GPR160: variants seen among roughly 807,000 people sequenced by gnomAD.
The protein encoded by GPR160 is probable G protein-coupled receptor 160.
In GPR160, 2 loss-of-function variants were observed where a neutral mutation model predicts 2.6. That is an observed-to-expected ratio of 0.77 (90% CI 0.32 to 2.44). GPR160 has a LOEUF of 2.44. GPR160 is among the 30% of genes most tolerant of loss of function. GPR160 has a pLI of 0.11. For synonymous variants in GPR160, 130 were observed against 132.2 expected, an observed-to-expected ratio of 0.98 and a Z score of 0.12; for missense variants, 351 against 383.6, an observed-to-expected ratio of 0.91 and a Z score of 0.71.
At chr3:170,064,574 A>G (rs1262025655) in intron 2 of GPR160, among the ~76,000 whole-genome samples, 3 of 139,182 alleles carry the variant, frequency 2.2e-5, no homozygotes, top group East Asian at 2.1e-4. Flanking sequence ...GCTGGAGTAC[A>G]GTGGCACAAT....
At chr3:170,052,885 T>G (rs1304017830) in intron 2 of GPR160, among the ~76,000 whole-genome samples, 3 of 152,224 alleles carry the variant, frequency 2.0e-5, no homozygotes, top group African/African-American at 7.2e-5. Flanking sequence ...AGTTAATTTC[T>G]GTTAATGGTG....
At position 170,085,081 on chromosome 3, in the gene GPR160, C is replaced by T. The variant is rs1474791866; in HGVS notation, c.*92C>T. 3.3e-6 allele frequency: 2 copies of T among 603,208 alleles called. No homozygotes were observed. Among genetic ancestry groups the T allele is most frequent in the Non-Finnish European group, 5.3e-6 (2 of 375,252 alleles). The allele number at this position is 603,208 out of a possible 1,614,324, so 37.4% of individuals were successfully genotyped here. A position where few individuals can be genotyped will look rare whatever the true frequency, so the allele number is the denominator to read the frequency against. Reference sequence around the variant, plus strand: ...TATTAAAAAATAAACTGAACTAAAACAACTTTTGCCCCCTGACTGATAGCA... The same window carrying T: ...TATTAAAAAATAAACTGAACTAAAATAACTTTTGCCCCCTGACTGATAGCA... On this transcript the variant is annotated 3_prime_UTR_variant, in exon 4 of 4. Coordinates refer to ENST00000355897, the MANE Select transcript of GPR160 (RefSeq NM_014373.3).
chr3:170,038,097 C>G lies in GPR160; in HGVS notation c.-440C>G, dbSNP rs1716267916. On this transcript the variant is annotated 5_prime_UTR_variant, in exon 1 of 4. Coordinates refer to ENST00000355897, the MANE Select transcript of GPR160 (RefSeq NM_014373.3). This position sits in a 1 kb window ranked among gnomAD's most constrained non-coding sequence, Gnocchi z 5.3. ...CGGGAGCGCGCGGGGCGGGGCGGGG[C>G]GGGGCGGGACCAGGCGGGCGAGCTG... The G allele has an allele frequency of 6.6e-6, 1 of 152,414 alleles. No homozygotes were observed. Among genetic ancestry groups the G allele is most frequent in the Non-Finnish European group, 1.5e-5 (1 of 67,990 alleles). 9.4% of individuals were successfully genotyped at this position (152,414 alleles called of 1,614,324 possible). A position where few individuals can be genotyped will look rare whatever the true frequency, so the allele number is the denominator to read the frequency against.
chr3:170,077,652 C>T (rs1712922956), intron 2 of GPR160: 1 of 152,240 alleles, frequency 6.6e-6, no homozygotes, highest in Non-Finnish European at 1.5e-5. Flanking sequence ...AAAGGAAGAA[C>T]AATAATGTTA....
intron 2 of GPR160, among the ~76,000 whole-genome samples, chr3:170,040,633 A>C (rs1463245937): frequency 6.6e-6 from 1 of 152,240 alleles, no homozygotes; most frequent in African/African-American, 2.4e-5. Context: ...AATTGCCCAA[A>C]TCCCTTCCAA....
chr3:170,077,004 A>T (rs1224982443), intron 2 of GPR160: 1 of 152,226 alleles, frequency 6.6e-6, no homozygotes, highest in Non-Finnish European at 1.5e-5. Context: ...AGGGAAATGT[A>T]CTTATTAACC....
At chr3:170,057,047 T>C (rs1711678890) in intron 2 of GPR160, among the ~76,000 whole-genome samples, 2 of 152,214 alleles carry the variant, frequency 1.3e-5, no homozygotes, top group African/African-American at 2.4e-5. Context: ...ACAAAATGTA[T>C]ACCGGAGCCA....
intron 2 of GPR160, among the ~76,000 whole-genome samples, chr3:170,063,552 C>CAAAAAAAAAAAAAAAAAAAAAAAAAAAA (rs528295183): frequency 1.3e-5 from 1 of 78,924 alleles, no homozygotes; most frequent in Non-Finnish European, 2.2e-5. Flanking sequence ...ACAAAAAAAG[C>CAAAAAAAAAAAAAAAAAAAAAAAAAAAA]AAAAAAAAAA....
chr3:170,050,502 G>GT (rs1386337287), intron 2 of GPR160, among the ~76,000 whole-genome samples: 1 of 151,932 alleles, frequency 6.6e-6, no homozygotes, highest in Admixed American at 6.6e-5. Context: ...CACCTGCCAG[G>GT]TTCAAGTAAT....
intron 2 of GPR160, among the ~76,000 whole-genome samples, chr3:170,052,098 G>A (rs1014141460): frequency 6.6e-6 from 1 of 152,178 alleles, no homozygotes; most frequent in Admixed American, 6.5e-5. Context: ...GCTAATTTTT[G>A]TATTTTTAGG....
At position 170,053,396 on chromosome 3, in the gene GPR160, AT is replaced by A. The variant is rs574646904; in HGVS notation, c.-193+14357del. Among the ~76,000 whole-genome samples, 805 of 152,042 alleles carry A rather than the reference AT, an allele frequency of 5.3e-3. 9 individuals are homozygous for A. Among genetic ancestry groups the A allele is most frequent in the African/African-American group, 0.018 (763 of 41,466 alleles). ...TTTTTGAGTCTATTGGAAATGATAT[AT>A]TTTCCTTCATTTTTGAATTTTGTTG... is the stretch of plus-strand genomic sequence containing the variant. On this transcript the variant is annotated intron_variant, in intron 2 of 3. Transcript: ENST00000355897.
chr3:170,059,584 A>G (rs1449463192), intron 2 of GPR160, among the ~76,000 whole-genome samples: 1 of 152,192 alleles, frequency 6.6e-6, no homozygotes, highest in African/African-American at 2.4e-5. Context: ...GAAATTCTGT[A>G]TTCAATCACA....
At chr3:170,082,461 A>G (rs1211371529) in intron 3 of GPR160, among the ~76,000 whole-genome samples, 1 of 152,226 alleles carries the variant, frequency 6.6e-6, no homozygotes, top group Non-Finnish European at 1.5e-5. Flanking sequence ...TCTAAAATCC[A>G]AAACTTTCTG....
At chr3:170,048,048 C>T (rs1315133924) in intron 2 of GPR160, among the ~76,000 whole-genome samples, 5 of 152,106 alleles carry the variant, frequency 3.3e-5, no homozygotes, top group Non-Finnish European at 5.9e-5. Flanking sequence ...AGGCTGGTCT[C>T]GAACTCCTGA....
rs779755111 is a variant in GPR160 at position 170,084,296 on chromosome 3, G to A, written c.324G>A (p.Leu108=). Residue 108 remains leucine, a synonymous_variant, in exon 4 of 4, where the codon TTG becomes TTA. Transcript: ENST00000355897. The part of the protein sequence containing the change: ...TQIISFTYGF[L]HYPVFLTACI... ...TTATTTCCTTTACTTATGGCTTTTT[G>A]CATTATCCAGTTTTCCTGACAGCTT... The A allele has an allele frequency of 4.4e-6, 7 of 1,607,292 alleles. No individual in the cohort carries two copies. Among genetic ancestry groups the A allele is most frequent in the Non-Finnish European group, 6.0e-6 (7 of 1,175,458 alleles).
chr3:170,070,256 T>C (rs1172356674), intron 2 of GPR160, among the ~76,000 whole-genome samples: 2 of 152,236 alleles, frequency 1.3e-5, no homozygotes, highest in East Asian at 3.8e-4. Flanking sequence ...AGTAACAAAT[T>C]GTAATCCTAT....
chr3:170,062,159 G>A (rs920925787), intron 2 of GPR160: 1 of 153,272 alleles, frequency 6.5e-6, no homozygotes, highest in African/African-American at 2.4e-5. Context: ...TGGGCCTAGC[G>A]GCAGGAGGGG....
In GPR160 at chr3:170,084,531, T is replaced by A; in HGVS notation, c.559T>A (p.Phe187Ile). ...YVSIQSYWLS[F>I]FMVMILFVAF... ...CAGCATTCAGAGTTACTGGCTGTCA[T>A]TTTTCATGGTGATGATTTTATTTGT... The change falls in exon 4 of 4, where the codon TTT (phenylalanine) becomes ATT (isoleucine). Residue 187 changes from phenylalanine to isoleucine, a missense_variant. Transcript: ENST00000355897. 1 of 1,612,174 alleles carries A rather than the reference T, an allele frequency of 6.2e-7. No individual in the cohort carries two copies.
intron 2 of GPR160, among the ~76,000 whole-genome samples, chr3:170,066,116 T>A (rs1488044503): frequency 8.7e-6 from 1 of 114,538 alleles, no homozygotes; most frequent in Non-Finnish European, 1.9e-5. Flanking sequence ...CTTGACACTA[T>A]TCTTTTTCTT....
Sources: allele counts gnomAD v4.1 joint callset (sites outside exome capture counted in the v4.1 genomes callset), GRCh38; gene constraint gnomAD v4.1.1; non-coding constraint Gnocchi (gnomAD v3.1); transcripts MANE v1.5; gene names NCBI Gene and HGNC (gene_info 2026-07-23, HGNC 2026-07-21).